Variants in STRIP1 observed in about 807,000 individuals in gnomAD.
The protein encoded by STRIP1 is striatin-interacting protein 1.
In STRIP1, 63 loss-of-function variants were observed where a neutral mutation model predicts 106.2. The ratio of observed to expected loss-of-function variants is 0.59; its 90% CI spans 0.48 to 0.73. The LOEUF is 0.73. Among genes scored for constraint, STRIP1 ranks in the 30% least tolerant of loss-of-function variants. STRIP1 has a pLI of 0.00. For missense variants in STRIP1, 857 were observed against 1,074.8 expected (o/e 0.80, Z 2.83); for synonymous variants, 390 against 413.0 (o/e 0.94, Z 0.67).
chr1:110,046,525 G>A (rs1042529444), intron 12 of STRIP1, among the ~76,000 whole-genome samples, 155 bp from the exon 13 acceptor site: 2 of 152,054 alleles, frequency 1.3e-5, no homozygotes, highest in African/African-American at 4.8e-5. Flanking sequence ...AAAAATATCT[G>A]GGGTTTGGGA....
At chr1:110,051,200 A>T (rs1653283681) in intron 19 of STRIP1, 140 bp downstream of exon 19, 15 of 638,678 alleles carry the variant, frequency 2.3e-5, no homozygotes, top group Middle Eastern at 2.9e-4. Flanking sequence ...TTTAAGGGCC[A>T]ATTCCCAGTT....
intron 9 of STRIP1, 41 bp downstream of exon 9, chr1:110,043,311 A>G (rs752103128): frequency 5.7e-6 from 9 of 1,588,754 alleles, no homozygotes; most frequent in Admixed American, 1.7e-5. Context: ...GAGGGCCCTC[A>G]AGGTGCATGC....
At chr1:110,044,451 ATTGT>A (rs1324945968) in intron 10 of STRIP1, among the ~76,000 whole-genome samples, 9 of 152,218 alleles carry the variant, frequency 5.9e-5, no homozygotes, top group Admixed American at 1.3e-4. Context: ...AGGTATGCTG[ATTGT>A]TTGGGATAGG....
chr1:110,040,788 A>G (rs530509522), intron 6 of STRIP1, 85 bp downstream of exon 6: 4 of 1,174,042 alleles, frequency 3.4e-6, no homozygotes, highest in Non-Finnish European at 4.8e-6. Flanking sequence ...TGTGGGTGTC[A>G]TTGCTGTGTG....
intron 8 of STRIP1, among the ~76,000 whole-genome samples, chr1:110,042,679 TTTC>T (rs533179276): frequency 4.3e-4 from 65 of 152,354 alleles, no homozygotes; most frequent in Middle Eastern, 3.4e-3. Flanking sequence ...TGAAGCTTTT[TTTC>T]TTCTTCTAAA....
intron 18 of STRIP1, 92 bp downstream of exon 18, chr1:110,050,501 T>A: frequency 1.2e-5 from 15 of 1,239,074 alleles, no homozygotes; most frequent in Non-Finnish European, 1.8e-5. Flanking sequence ...AATAGAGGTG[T>A]CTCCCGCAGG....
chr1:110,045,687 G>A (rs7547708), intron 12 of STRIP1, among the ~76,000 whole-genome samples: 2,876 of 152,242 alleles, frequency 0.019, 76 homozygotes, highest in African/African-American at 0.051. Flanking sequence ...GTCCTAATAC[G>A]TTGTTCCAGA....
At chr1:110,052,989 G>C (rs114877130) in intron 20 of STRIP1, among the ~76,000 whole-genome samples, 1 of 152,102 alleles carries the variant, frequency 6.6e-6, no homozygotes, top group African/African-American at 2.4e-5. Flanking sequence ...AGGCTCCCTC[G>C]TCCTTTTTCA....
chr1:110,044,238 A>G (rs1652912214), intron 10 of STRIP1, among the ~76,000 whole-genome samples: 1 of 152,268 alleles, frequency 6.6e-6, no homozygotes, highest in African/African-American at 2.4e-5. Context: ...TAGAGCCATA[A>G]TGAAAATGTT....
chr1:110,043,973 G>A, intron 10 of STRIP1, 117 bp downstream of exon 10: 1 of 970,656 alleles, frequency 1.0e-6, no homozygotes, highest in Non-Finnish European at 1.6e-6. Context: ...GCTGACCGTG[G>A]CTCTGGGATG....
intron 1 of STRIP1, among the ~76,000 whole-genome samples, chr1:110,036,268 T>C (rs2101763600): frequency 6.6e-6 from 1 of 152,216 alleles, no homozygotes; most frequent in East Asian, 1.9e-4. Flanking sequence ...GCCTGGCCAA[T>C]GTGATCAAAC....
intron 10 of STRIP1, among the ~76,000 whole-genome samples, chr1:110,044,492 A>G (rs1652924758): frequency 6.6e-6 from 1 of 152,250 alleles, no homozygotes; most frequent in South Asian, 2.1e-4. Flanking sequence ...AAAAATCAGT[A>G]GCCTATAGCT....
chr1:110,050,368 T>C lies in STRIP1; in HGVS notation c.1915T>C (p.Cys639Arg). ...NSISVLDYPH[C>R]VVHELPELTA... ...CATTTCTGTCCTGGATTACCCTCAC[T>C]GCGTGGTGCATGAGCTGCCAGAGCT... The change falls in exon 18 of 21, where the codon TGC becomes CGC. Residue 639 changes from cysteine to arginine, a missense_variant. By Grantham distance (180) the Cys-to-Arg change is radical. This residue lies in a region of STRIP1 where 750 missense variants were observed against 989.8 expected (regional missense o/e 0.76). Transcript: ENST00000369795. 2 of 1,614,190 alleles carry C rather than the reference T, an allele frequency of 1.2e-6. No homozygotes were observed. The highest frequency in any genetic ancestry group is 1.7e-6 in the Non-Finnish European group (2 of 1,180,012).
In STRIP1 at chr1:110,049,173, G is replaced by A. The variant is rs765763931; in HGVS notation, c.1723G>A (p.Val575Ile). ...VDVNRHKEVI[V>I]KAISAVLLLL... ...TGTAAACCGCCACAAAGAGGTCATT[G>A]TTAAGGCCATTTCTGCTGTCCTGCT... The change falls in exon 16 of 21, where the codon GTT becomes ATT. Residue 575 changes from valine to isoleucine, a missense_variant. Around this residue, in one of 2 missense-constraint regions of STRIP1, gnomAD observed 750 missense variants for 989.8 expected, o/e 0.76. Transcript: ENST00000369795. The A allele has an allele frequency of 3.1e-6, 5 of 1,614,066 alleles. No homozygotes were observed. Among genetic ancestry groups the A allele is most frequent in the African/African-American group, 1.3e-5 (1 of 74,898 alleles).
rs149515697 is a variant in STRIP1 at position 110,035,206 on chromosome 1, G to C, written c.180+389G>C. ...CGCGCCCCCAACCTAATCATCTCGG[G>C]CGTCTGTCCCTGGCACGCGGGCTCC... On this transcript the variant is annotated intron_variant, in intron 1 of 20. Transcript: ENST00000369795. 3.0e-3 allele frequency among the ~76,000 whole-genome samples: 456 copies of C among 152,262 alleles called. 1 individual carries two copies. Among genetic ancestry groups the C allele is most frequent in the Middle Eastern group, 0.01 (3 of 294 alleles).
At chr1:110,037,218 GT>G (rs1187944875) in intron 1 of STRIP1, among the ~76,000 whole-genome samples, 3 of 152,112 alleles carry the variant, frequency 2.0e-5, no homozygotes, top group African/African-American at 4.8e-5. Context: ...TTACCTATTT[GT>G]TTCTCACTTC....
chr1:110,040,442 G>A (rs750519028), intron 5 of STRIP1, among the ~76,000 whole-genome samples, 193 bp from the exon 6 acceptor site: 3 of 152,144 alleles, frequency 2.0e-5, no homozygotes, highest in African/African-American at 2.4e-5. Flanking sequence ...TCGGCCTCCC[G>A]AAGTACTGGG....
chr1:110,049,372 C>T (rs1653181281), intron 16 of STRIP1, 88 bp from the exon 17 acceptor site: 2 of 1,541,336 alleles, frequency 1.3e-6, no homozygotes, highest in Admixed American at 1.8e-5. Flanking sequence ...CATGGCCCTT[C>T]AGCCAAGGCC....
chr1:110,045,759 G>A (rs768346264), intron 12 of STRIP1, among the ~76,000 whole-genome samples: 5 of 152,112 alleles, frequency 3.3e-5, no homozygotes, highest in Non-Finnish European at 5.9e-5. Context: ...GCTTGGTGGC[G>A]GGGAGGAGAA....
Sources: allele counts gnomAD v4.1 joint callset (sites outside exome capture counted in the v4.1 genomes callset), GRCh38; gene constraint gnomAD v4.1.1; regional missense constraint gnomAD v4.1.1; transcripts MANE v1.5; gene names NCBI Gene and HGNC (gene_info 2026-07-23, HGNC 2026-07-21).